The following ZSWIM5 variants were observed in gnomAD, a reference collection of about 807,000 sequenced individuals.
ZSWIM5 encodes zinc finger SWIM domain-containing protein 5.
In ZSWIM5, 55 loss-of-function variants were observed where a neutral mutation model predicts 119.6. The ratio of observed to expected loss-of-function variants is 0.46; its 90% confidence interval spans 0.37 to 0.58. The LOEUF (loss-of-function observed/expected upper bound fraction) is 0.58. ZSWIM5 is among the 20% of genes least tolerant of loss of function. ZSWIM5 has a pLI of 0.00. For synonymous variants in ZSWIM5, 537 were observed against 606.9 expected (o/e 0.88, Z 1.69); for missense variants, 1,193 against 1,512.8 (o/e 0.79, Z 3.51).
At position 45,036,060 on chromosome 1, in the gene ZSWIM5, G is replaced by A; in HGVS notation, c.2134C>T (p.Gln712Ter). 6.2e-7 allele frequency: 1 copy of A among 1,614,156 alleles called. No homozygotes were observed. Among genetic ancestry groups the A allele is most frequent in the Non-Finnish European group, 8.5e-7 (1 of 1,180,002 alleles). ...TTACCTTCCAGCAGTAAGATGCATTGTTTTTGCAGTGTTTGCACTAGCTCA... is the reference window on the plus strand; with the variant it reads ...TTACCTTCCAGCAGTAAGATGCATTATTTTTGCAGTGTTTGCACTAGCTCA... ...DDELVQTLQK[Q>*]CILLLEGGPF... The change falls in exon 9 of 14, where the codon CAA becomes TAA. Residue 712 changes from glutamine to a stop codon, truncating the protein, a stop_gained. Transcript: ENST00000359600. LOFTEE classifies it high-confidence loss of function.
chr1:45,106,057 G>A (rs1168462554), intron 1 of ZSWIM5, among the ~76,000 whole-genome samples: 61 of 119,652 alleles, frequency 5.1e-4, no homozygotes, highest in Non-Finnish European at 8.3e-4. Context: ...CGGCCGCCCC[G>A]TCTGGGAGGT....
At chr1:45,040,608 G>C in intron 6 of ZSWIM5, 70 bp from the exon 7 acceptor site, 1 of 1,426,804 alleles carries the variant, frequency 7.0e-7, no homozygotes, top group South Asian at 1.5e-5. Flanking sequence ...ACCTGACAAA[G>C]AGAGTTTGTA....
chr1:45,179,900 C>T (rs1418527749), intron 1 of ZSWIM5, among the ~76,000 whole-genome samples: 2 of 152,046 alleles, frequency 1.3e-5, no homozygotes, highest in African/African-American at 4.8e-5. Context: ...AAGTCAGAGA[C>T]AGGAAATGTG....
chr1:45,176,512 G>T (rs536617073), intron 1 of ZSWIM5, among the ~76,000 whole-genome samples: 1 of 152,056 alleles, frequency 6.6e-6, no homozygotes, highest in African/African-American at 2.4e-5. Flanking sequence ...TGATCCACCC[G>T]CCTTGGCCTC....
rs568026294 is a variant in ZSWIM5 at position 45,035,787 on chromosome 1, C to A, written c.2192G>T (p.Arg731Leu). The change falls in exon 10 of 14, where the codon CGA becomes CTA. Residue 731 changes from arginine (R) to leucine (L), a missense_variant. This residue lies in a region of ZSWIM5 where 961 missense variants were observed against 1,290.0 expected (regional missense o/e 0.74). Transcript: ENST00000359600. ...PFSGLGEVIH[R>L]ESVPMHTFAK... ...AAAGGTATGCATGGGAACACTCTCT[C>A]GGTGGATGACTTCTCCCAGACCGCT... 1.6e-5 allele frequency: 26 copies of A among 1,613,570 alleles called. No homozygotes were observed. The highest frequency in any genetic ancestry group is 2.2e-5 in the Non-Finnish European group (26 of 1,180,000).
chr1:45,061,594 C>T (rs1321063660), intron 2 of ZSWIM5, among the ~76,000 whole-genome samples: 2 of 151,132 alleles, frequency 1.3e-5, no homozygotes, highest in Non-Finnish European at 1.5e-5. Flanking sequence ...TGGTCTCAAA[C>T]TCCTGGCCTC....
chr1:45,133,168 T>A (rs1222065995), intron 1 of ZSWIM5, among the ~76,000 whole-genome samples: 2 of 152,174 alleles, frequency 1.3e-5, no homozygotes, highest in South Asian at 2.1e-4. Flanking sequence ...TTCTAGTTCT[T>A]GATCCTTGAG....
At chr1:45,028,220 C>T (rs1644931517) in intron 11 of ZSWIM5, among the ~76,000 whole-genome samples, 1 of 152,158 alleles carries the variant, frequency 6.6e-6, no homozygotes. Context: ...GTCTAATTTA[C>T]CTATCTATAT....
At chr1:45,090,493 G>A (rs1250519759) in intron 1 of ZSWIM5, among the ~76,000 whole-genome samples, 2 of 152,110 alleles carry the variant, frequency 1.3e-5, no homozygotes, top group African/African-American at 4.8e-5. Context: ...CTCAGGTGCT[G>A]TAATCCCAGC....
intron 8 of ZSWIM5, 35 bp downstream of exon 8, chr1:45,038,901 G>C (rs1016385798): frequency 1.9e-6 from 3 of 1,610,722 alleles, no homozygotes; most frequent in Non-Finnish European, 2.5e-6. Flanking sequence ...AACCAACAAG[G>C]GCAGTCTTGG....
At chr1:45,200,568 G>T (rs1646152441) in intron 1 of ZSWIM5, among the ~76,000 whole-genome samples, 2 of 151,912 alleles carry the variant, frequency 1.3e-5, no homozygotes, top group Admixed American at 1.3e-4. Flanking sequence ...TAAATGGTGT[G>T]CATGAAAAAA....
chr1:45,094,388 G>A (rs1451610043), intron 1 of ZSWIM5, among the ~76,000 whole-genome samples: 1 of 151,778 alleles, frequency 6.6e-6, no homozygotes, highest in Admixed American at 6.6e-5. Flanking sequence ...TTGTAGAGAT[G>A]GGATTTCACC....
At position 45,018,724 on chromosome 1, in the gene ZSWIM5, G is replaced by A. The variant is rs1276982613; in HGVS notation, c.3288C>T (p.Ser1096=). Residue 1096 remains serine, a synonymous_variant, in exon 14 of 14, where the codon AGC becomes AGT. Coordinates refer to ENST00000359600, the MANE Select transcript of ZSWIM5 (RefSeq NM_020883.2). This position sits in a 1 kb window ranked among gnomAD's most constrained non-coding sequence, Gnocchi z 6.7. ...TGTCAGTGGACATGAGCTTTCCAGAGCTTCGGCGGCCTGGGATGCCGGCCA... is the reference window on the plus strand; with the variant it reads ...TGTCAGTGGACATGAGCTTTCCAGAACTTCGGCGGCCTGGGATGCCGGCCA... The part of the protein sequence containing the change: ...PGLAGIPGRR[S]SGKLMSTDKA... 2 of 1,614,142 alleles carry A rather than the reference G, an allele frequency of 1.2e-6. No homozygotes were observed. The highest frequency in any genetic ancestry group is 1.7e-6 in the Non-Finnish European group (2 of 1,180,062).
chr1:45,170,590 A>C (rs944035268), intron 1 of ZSWIM5, among the ~76,000 whole-genome samples: 14 of 143,662 alleles, frequency 9.7e-5, no homozygotes, highest in African/African-American at 3.4e-4. Flanking sequence ...ATGCCTGGCT[A>C]ATTTTTTTAC....
At chr1:45,066,536 A>G (rs1321256756) in intron 2 of ZSWIM5, among the ~76,000 whole-genome samples, 3 of 152,222 alleles carry the variant, frequency 2.0e-5, no homozygotes, top group African/African-American at 7.2e-5. Context: ...AATACTGTGT[A>G]CTTTTTGTTC....
chr1:45,033,144 A>G (rs1215868413), intron 11 of ZSWIM5, among the ~76,000 whole-genome samples: 2 of 152,168 alleles, frequency 1.3e-5, no homozygotes, highest in South Asian at 2.1e-4. Context: ...TTTTTTGCCA[A>G]TAAGATCAGT....
chr1:45,055,386 A>G (rs749864544), intron 4 of ZSWIM5, among the ~76,000 whole-genome samples: 1 of 152,124 alleles, frequency 6.6e-6, no homozygotes, highest in Admixed American at 6.5e-5. Context: ...TTGTCCTCCC[A>G]AAGTGCTAGG....
chr1:45,087,941 T>C lies in ZSWIM5; in HGVS notation c.892A>G (p.Thr298Ala). ...ITAHHTEVLPTAQKLADEILS... is the reference protein window; with the variant it reads ...ITAHHTEVLPAAQKLADEILS... ...ATCTCATCTGCCAGTTTCTGTGCAG[T>C]AGGAAGAACTTCAGTGTGGTGTGCC... The change falls in exon 2 of 14, where the codon ACT becomes GCT. Residue 298 changes from threonine (T) to alanine (A), a missense_variant. Around this residue, in one of 2 missense-constraint regions of ZSWIM5, gnomAD observed 961 missense variants for 1,290.0 expected, o/e 0.74. Coordinates refer to ENST00000359600, the MANE Select transcript of ZSWIM5 (RefSeq NM_020883.2). The C allele has an allele frequency of 6.2e-7, 1 of 1,614,132 alleles. No homozygotes were observed. The highest frequency in any genetic ancestry group is 8.5e-7 in the Non-Finnish European group (1 of 1,179,994).
At chr1:45,190,143 G>C (rs1004796558) in intron 1 of ZSWIM5, among the ~76,000 whole-genome samples, 2 of 152,012 alleles carry the variant, frequency 1.3e-5, no homozygotes, top group Non-Finnish European at 1.5e-5. Flanking sequence ...GAAAAACCCT[G>C]TCTCCACAGA....
Sources: gnomAD v4.1 joint callset for allele counts (sites outside exome capture counted in the v4.1 genomes callset) on GRCh38, gnomAD v4.1.1 for gene constraint, gnomAD v4.1.1 regional missense constraint, Gnocchi (gnomAD v3.1) non-coding constraint, MANE v1.5 for transcripts, NCBI Gene and HGNC (gene_info 2026-07-23, HGNC 2026-07-21) for gene names.